Variants in DMD observed in about 807,000 individuals in gnomAD.
The protein encoded by DMD is dystrophin.
Under a neutral mutation model 330.1 loss-of-function variants are expected in DMD, and 63 were observed. The observed-to-expected ratio is 0.19, with a 90% CI of 0.16 to 0.24. The LOEUF is 0.24. Among genes scored for constraint, DMD ranks in the 10% least tolerant of loss-of-function variants. The pLI is 1.00. For synonymous variants in DMD, 1,223 were observed against 959.8 expected (o/e 1.27, Z -5.07); for missense variants, 3,344 against 2,684.1 (o/e 1.25, Z -5.43).
At chrX:31,827,478 G>C (rs967350989) in intron 49 of DMD, among the ~76,000 whole-genome samples, 1 of 111,522 alleles carries the variant, frequency 9.0e-6, no homozygotes, top group African/African-American at 3.3e-5. Flanking sequence ...ATAATAGTGG[G>C]GGACTTCAAT....
chrX:31,406,413 C>G (rs2141815), intron 60 of DMD, among the ~76,000 whole-genome samples: 46,747 of 109,429 alleles, frequency 0.43, 8,740 homozygotes, highest in African/African-American at 0.73. Flanking sequence ...GAAAATACAA[C>G]TAGAAAAGTA....
At chrX:31,343,536 A>G (rs182498467) in intron 61 of DMD, among the ~76,000 whole-genome samples, 1 of 110,898 alleles carries the variant, frequency 9.0e-6, no homozygotes, top group East Asian at 2.8e-4. Flanking sequence ...CTTCTGATAA[A>G]CAACAGACAG....
Position 32,187,411 on chromosome X carries a change from C to T in DMD, c.6438+29505G>A, listed in dbSNP as rs763613687. 9.0e-5 allele frequency among the ~76,000 whole-genome samples: 10 copies of T among 111,573 alleles called. No homozygotes were observed. In the South Asian group the frequency reaches 3.0e-3, roughly 33 times the overall value. On this transcript the variant is annotated intron_variant, in intron 44 of 78. Coordinates refer to ENST00000357033, the MANE Select transcript of DMD (RefSeq NM_004006.3). ...TTGCACTTTATTTCTTCAAGCCATT[C>T]CCTTCCAACATCTCATATCCCTGTC...
chrX:33,020,456 T>C (rs1345900019), intron 1 of DMD, among the ~76,000 whole-genome samples: 2 of 111,945 alleles, frequency 1.8e-5, no homozygotes, highest in African/African-American at 6.5e-5. Context: ...GACGGATCAC[T>C]TGAGGCCAGT....
At chrX:33,145,368 C>A (rs977728782) in intron 1 of DMD, among the ~76,000 whole-genome samples, 4 of 111,805 alleles carry the variant, frequency 3.6e-5, no homozygotes, top group African/African-American at 1.3e-4. Context: ...ACTACTGAAG[C>A]TGGAATAACT....
intron 43 of DMD, among the ~76,000 whole-genome samples, chrX:32,228,291 T>A (rs989639244): frequency 1.8e-5 from 2 of 111,551 alleles, no homozygotes; most frequent in Non-Finnish European, 3.8e-5. Context: ...TGACACAATA[T>A]AATGTTCCAG....
At chrX:31,692,134 G>A (rs1297770786) in intron 52 of DMD, among the ~76,000 whole-genome samples, 1 of 111,540 alleles carries the variant, frequency 9.0e-6, no homozygotes, top group East Asian at 2.8e-4. Context: ...TAAGAAATAT[G>A]TGGAAACTAA....
At position 33,211,425 on chromosome X, in the gene DMD, TA is replaced by T. The variant is rs72470542; in HGVS notation, c.-114del. ...AGAAACCAACAAACTTCAGCAGCTT[TA>T]AAAAAAGTAACACTTCAGTTTTTCC... On this transcript the variant is annotated 5_prime_UTR_variant, in exon 1 of 79. Coordinates refer to ENST00000357033, the MANE Select transcript of DMD (RefSeq NM_004006.3). 1 of 1,156,407 alleles carries T rather than the reference TA, an allele frequency of 8.6e-7. No homozygotes were observed. The highest frequency in any genetic ancestry group is 2.7e-5 in the Admixed American group (1 of 37,339).
chrX:31,787,513 C>T (rs2091363481), intron 50 of DMD, among the ~76,000 whole-genome samples: 1 of 112,064 alleles, frequency 8.9e-6, no homozygotes, highest in Non-Finnish European at 1.9e-5. Context: ...TTTTACACTC[C>T]TTGGGTATAT....
At chrX:32,580,985 C>T (rs1228502955) in intron 13 of DMD, among the ~76,000 whole-genome samples, 5 of 110,719 alleles carry the variant, frequency 4.5e-5, no homozygotes. Context: ...AGACACCACA[C>T]CTGGCTCTTT....
intron 53 of DMD, among the ~76,000 whole-genome samples, chrX:31,671,183 A>AT (rs1412808938): frequency 8.9e-6 from 1 of 112,151 alleles, no homozygotes; most frequent in Admixed American, 9.4e-5. Context: ...AAGTGCTGGG[A>AT]TTACAGGCGT....
intron 61 of DMD, among the ~76,000 whole-genome samples, chrX:31,343,620 A>G (rs4344231): frequency 1.4e-5 from 1 of 69,172 alleles, no homozygotes; most frequent in Admixed American, 1.6e-4. Context: ...TGTGTGTGTG[A>G]GAGAGAGAGA....
intron 44 of DMD, among the ~76,000 whole-genome samples, chrX:32,045,078 T>C (rs977581787): frequency 9.1e-6 from 1 of 109,744 alleles, no homozygotes; most frequent in Non-Finnish European, 1.9e-5. Flanking sequence ...TTTCATGAGA[T>C]CTGGTTTTTT....
Position 31,259,830 on chromosome X carries a change from G to GAC in DMD, c.9286+1123_9286+1124dup, listed in dbSNP as rs1187975652. On this transcript the variant is annotated intron_variant, in intron 63 of 78. Coordinates refer to ENST00000357033, the MANE Select transcript of DMD (RefSeq NM_004006.3). ...AAGCAGTAATAGCTACGTACCCCCT[G>GAC]ACACACACACACCCCACTTACGTAT... Among the ~76,000 whole-genome samples, 564 of 110,161 alleles carry GAC rather than the reference G, an allele frequency of 5.1e-3. 6 individuals are homozygous for GAC. The highest frequency in any genetic ancestry group is 0.018 in the African/African-American group (543 of 30,116).
intron 60 of DMD, among the ~76,000 whole-genome samples, chrX:31,413,939 A>C (rs1445540434): frequency 9.0e-6 from 1 of 111,502 alleles, no homozygotes; most frequent in Non-Finnish European, 1.9e-5. Context: ...AAAGTCTAAA[A>C]TAAAGGAAAA....
chrX:33,232,395 G>A (rs187719447), intron 1 of DMD, among the ~76,000 whole-genome samples: 9 of 112,156 alleles, frequency 8.0e-5, no homozygotes, highest in Admixed American at 5.7e-4. Context: ...ATGGATAAGA[G>A]AAACGAATGC....
intron 1 of DMD, among the ~76,000 whole-genome samples, chrX:33,230,711 A>C (rs905032404): frequency 1.8e-5 from 2 of 110,732 alleles, no homozygotes; most frequent in African/African-American, 6.5e-5. Context: ...CTTGCTCTTA[A>C]TTATTTGTTT....
chrX:31,517,576 G>C (rs1221666998), intron 55 of DMD, among the ~76,000 whole-genome samples: 1 of 110,969 alleles, frequency 9.0e-6, no homozygotes, highest in Non-Finnish European at 1.9e-5. Context: ...AATAGCATCT[G>C]GTAATGATTA....
intron 48 of DMD, among the ~76,000 whole-genome samples, chrX:31,847,609 A>G (rs1311643923): frequency 8.9e-6 from 1 of 111,900 alleles, no homozygotes; most frequent in Non-Finnish European, 1.9e-5. Context: ...CCTAAAAATT[A>G]AAGAATATGT....
Sources: allele counts gnomAD v4.1 joint callset (sites outside exome capture counted in the v4.1 genomes callset), GRCh38; gene constraint gnomAD v4.1.1; transcripts MANE v1.5; gene names NCBI Gene and HGNC (gene_info 2026-07-23, HGNC 2026-07-21).